The following HS6ST3 variants were observed in gnomAD, a reference collection of about 807,000 sequenced individuals.
The protein encoded by HS6ST3 is heparan sulfate 6-O-sulfotransferase 3, also known as heparan-sulfate 6-O-sulfotransferase 3.
Under a neutral mutation model 36.7 loss-of-function variants are expected in HS6ST3, and 12 were observed. The observed-to-expected ratio is 0.33, with a 90% CI of 0.21 to 0.53. The LOEUF is 0.53. HS6ST3 is among the 20% of genes least tolerant of loss of function. The probability of loss-of-function intolerance (pLI) is 0.95; values close to 1 mark genes in which losing one functional copy is unlikely to be tolerated. For missense variants in HS6ST3, 584 were observed against 640.9 expected, an observed-to-expected ratio of 0.91 and a Z score of 0.96; for synonymous variants, 240 against 257.5, an observed-to-expected ratio of 0.93 and a Z score of 0.65.
At chr13:96,446,102 G>C (rs7323615) in intron 1 of HS6ST3, among the ~76,000 whole-genome samples, 2 of 151,046 alleles carry the variant, frequency 1.3e-5, no homozygotes, top group African/African-American at 4.9e-5. Flanking sequence ...GAACCCAGGA[G>C]GCAGAGCCTG....
chr13:96,189,792 C>T (rs751335220), intron 1 of HS6ST3, among the ~76,000 whole-genome samples: 1 of 152,134 alleles, frequency 6.6e-6, no homozygotes, highest in Non-Finnish European at 1.5e-5. Flanking sequence ...TTGCAGTGGG[C>T]GTGAACCCAA....
intron 1 of HS6ST3, among the ~76,000 whole-genome samples, chr13:96,583,204 CTTTTTTT>C (rs71292889): frequency 1.1e-4 from 6 of 52,930 alleles, no homozygotes; most frequent in South Asian, 2.4e-3. Flanking sequence ...TTTTTCTTTT[CTTTTTTT>C]TTTTTTTTTT....
At chr13:96,568,340 C>T (rs1484460632) in intron 1 of HS6ST3, among the ~76,000 whole-genome samples, 1 of 152,202 alleles carries the variant, frequency 6.6e-6, no homozygotes, top group Non-Finnish European at 1.5e-5. Context: ...GATCTCAGCT[C>T]ACTGCAACCT....
chr13:96,359,468 T>C (rs2055226732), intron 1 of HS6ST3, among the ~76,000 whole-genome samples: 1 of 152,230 alleles, frequency 6.6e-6, no homozygotes, highest in African/African-American at 2.4e-5. Context: ...TTCTTTTCTT[T>C]CATTTTAACC....
At chr13:96,250,687 G>T (rs1437164404) in intron 1 of HS6ST3, among the ~76,000 whole-genome samples, 1 of 152,066 alleles carries the variant, frequency 6.6e-6, no homozygotes, top group East Asian at 1.9e-4. Flanking sequence ...GTTACAGAGG[G>T]CCTAGGAATA....
At chr13:96,455,816 C>G (rs1409673656) in intron 1 of HS6ST3, among the ~76,000 whole-genome samples, 1 of 152,140 alleles carries the variant, frequency 6.6e-6, no homozygotes, top group African/African-American at 2.4e-5. Flanking sequence ...GACTTTACAA[C>G]AGTTTCAAAC....
At chr13:96,788,350 A>AATTGGTATCTTAACTAT (rs1205990121) in intron 1 of HS6ST3, among the ~76,000 whole-genome samples, 1 of 151,814 alleles carries the variant, frequency 6.6e-6, no homozygotes, top group Non-Finnish European at 1.5e-5. Flanking sequence ...CACTATATTG[A>AATTGGTATCTTAACTAT]ATTGGTATCT....
chr13:96,194,358 T>G (rs192448408), intron 1 of HS6ST3, among the ~76,000 whole-genome samples: 7 of 152,196 alleles, frequency 4.6e-5, no homozygotes, highest in Admixed American at 3.3e-4. Flanking sequence ...TCCCTTTAGA[T>G]AAATTATCGT....
intron 1 of HS6ST3, among the ~76,000 whole-genome samples, chr13:96,716,010 CTG>C (rs1275818383): frequency 1.3e-5 from 2 of 151,750 alleles, no homozygotes; most frequent in Non-Finnish European, 2.9e-5. Flanking sequence ...TGCCTTTTCT[CTG>C]TGGTATACTA....
At chr13:96,353,864 A>T (rs1389643099) in intron 1 of HS6ST3, among the ~76,000 whole-genome samples, 1 of 152,178 alleles carries the variant, frequency 6.6e-6, no homozygotes, top group Non-Finnish European at 1.5e-5. Context: ...ATTTAAATAA[A>T]CTTATTTTCA....
At chr13:96,499,373 A>G (rs1414317952) in intron 1 of HS6ST3, among the ~76,000 whole-genome samples, 1 of 152,162 alleles carries the variant, frequency 6.6e-6, no homozygotes, top group Non-Finnish European at 1.5e-5. Flanking sequence ...CATAGTACAT[A>G]TCAGGCATTG....
intron 1 of HS6ST3, among the ~76,000 whole-genome samples, chr13:96,593,793 T>G (rs778167974): frequency 1.3e-5 from 2 of 152,026 alleles, no homozygotes; most frequent in African/African-American, 2.4e-5. Flanking sequence ...ATTCTTTGTC[T>G]CTTTTTGCAG....
At chr13:96,596,987 T>A (rs1486505315) in intron 1 of HS6ST3, among the ~76,000 whole-genome samples, 1 of 152,154 alleles carries the variant, frequency 6.6e-6, no homozygotes, top group Non-Finnish European at 1.5e-5. Flanking sequence ...GTAAACCATG[T>A]AATACTATGC....
At chr13:96,135,431 A>C (rs1466505891) in intron 1 of HS6ST3, among the ~76,000 whole-genome samples, 1 of 152,226 alleles carries the variant, frequency 6.6e-6, no homozygotes, top group African/African-American at 2.4e-5. Context: ...TAACTTAAAA[A>C]TCATGTCATA....
intron 1 of HS6ST3, among the ~76,000 whole-genome samples, chr13:96,607,414 G>A (rs1048212937): frequency 2.6e-5 from 4 of 152,228 alleles, no homozygotes; most frequent in Admixed American, 6.5e-5. Flanking sequence ...GTAAGAACTC[G>A]GATCCTATAA....
At chr13:96,801,886 A>G (rs897523022) in intron 1 of HS6ST3, among the ~76,000 whole-genome samples, 2 of 152,112 alleles carry the variant, frequency 1.3e-5, no homozygotes, top group Non-Finnish European at 2.9e-5. Flanking sequence ...TTATCATCTC[A>G]CATGAACAGA....
chr13:96,285,854 C>T (rs2054799120), intron 1 of HS6ST3, among the ~76,000 whole-genome samples: 1 of 151,848 alleles, frequency 6.6e-6, no homozygotes. Context: ...ATCTCTCTTC[C>T]TTCTGCCTCC....
chr13:96,555,919 A>G (rs2056238783), intron 1 of HS6ST3, among the ~76,000 whole-genome samples: 2 of 152,248 alleles, frequency 1.3e-5, no homozygotes, highest in Admixed American at 1.3e-4. Context: ...AGTAAATGCT[A>G]GACAGAGACA....
At chr13:96,800,404 A>G (rs1461905850) in intron 1 of HS6ST3, among the ~76,000 whole-genome samples, 11 of 149,992 alleles carry the variant, frequency 7.3e-5, no homozygotes, top group Non-Finnish European at 1.3e-4. Context: ...CATTTATACT[A>G]CACCTATTCC....
Sources: gnomAD v4.1 joint callset for allele counts (sites outside exome capture counted in the v4.1 genomes callset) on GRCh38, gnomAD v4.1.1 for gene constraint, MANE v1.5 for transcripts, NCBI Gene and HGNC (gene_info 2026-07-23, HGNC 2026-07-21) for gene names.